SUMF1: variants seen among roughly 807,000 people sequenced by gnomAD.
The protein encoded by SUMF1 is formylglycine-generating enzyme.
Under a neutral mutation model 47.6 loss-of-function variants are expected in SUMF1, and 48 were observed. The observed-to-expected ratio is 1.01, with a 90% CI of 0.80 to 1.28. The LOEUF is 1.28. Among genes scored for constraint, SUMF1 ranks in the 50% most tolerant of loss-of-function variants. The pLI, the probability that SUMF1 is intolerant of heterozygous loss-of-function variation, is 0.00. For missense variants in SUMF1, 571 were observed against 485.4 expected, an observed-to-expected ratio of 1.18 and a Z score of -1.66; for synonymous variants, 230 against 192.1, an observed-to-expected ratio of 1.20 and a Z score of -1.63.
chr3:4,345,921 G>C (rs928345374), intron 8 of SUMF1, among the ~76,000 whole-genome samples: 3 of 151,960 alleles, frequency 2.0e-5, no homozygotes, highest in Admixed American at 2.0e-4. Flanking sequence ...AACCAACAAA[G>C]ACCAAAAAAG....
At chr3:4,243,163 A>C (rs1264000324) in intron 8 of SUMF1, among the ~76,000 whole-genome samples, 2 of 151,880 alleles carry the variant, frequency 1.3e-5, no homozygotes, top group African/African-American at 4.8e-5. Flanking sequence ...TTTGTTCTTT[A>C]TTAGTCTTGC....
intron 3 of SUMF1, among the ~76,000 whole-genome samples, chr3:4,430,829 G>A (rs1702210608): frequency 1.3e-5 from 2 of 152,152 alleles, no homozygotes; most frequent in Non-Finnish European, 1.5e-5. Context: ...CGGGAGGTAA[G>A]AAGGAGGAGC....
intron 8 of SUMF1, among the ~76,000 whole-genome samples, chr3:4,176,855 A>C (rs1283291205): frequency 2.6e-5 from 4 of 152,210 alleles, no homozygotes; most frequent in South Asian, 2.1e-4. Context: ...TTTACCGAAC[A>C]AATGGAAAGC....
At chr3:4,264,104 G>A (rs566481639) in intron 8 of SUMF1, among the ~76,000 whole-genome samples, 75 of 152,252 alleles carry the variant, frequency 4.9e-4, no homozygotes, top group African/African-American at 1.7e-3. Context: ...AAGAAAAGAA[G>A]GTCTAAGAAT....
chr3:4,250,286 A>T (rs2662134), intron 8 of SUMF1, among the ~76,000 whole-genome samples: 1 of 138,496 alleles, frequency 7.2e-6, no homozygotes, highest in African/African-American at 2.7e-5. Flanking sequence ...GGGGGAAGGA[A>T]GGGAAGAGGG....
Position 4,418,436 on chromosome 3 carries a change from A to G in SUMF1, c.603-304T>C, listed in dbSNP as rs115879185. ...CAGATGCGGAGATACTCCAGCTGCT[A>G]GGAGGGCCAGCAGGAGCTTTCAGCT... is the stretch of plus-strand genomic sequence containing the variant. On this transcript the variant is annotated intron_variant, in intron 4 of 8. Coordinates refer to ENST00000272902, the MANE Select transcript of SUMF1 (RefSeq NM_182760.4). Among the ~76,000 whole-genome samples, 2,848 of 152,336 alleles carry G rather than the reference A, an allele frequency of 0.019. 100 individuals are homozygous for G. Among genetic ancestry groups the G allele is most frequent in the African/African-American group, 0.065 (2,701 of 41,572 alleles).
At chr3:4,053,923 T>C (rs1404408569) in intron 9 of SUMF1, among the ~76,000 whole-genome samples, 1 of 152,102 alleles carries the variant, frequency 6.6e-6, no homozygotes, top group African/African-American at 2.4e-5. Flanking sequence ...AAAGTAAAGT[T>C]TTATCATAAT....
intron 8 of SUMF1, among the ~76,000 whole-genome samples, chr3:4,100,085 GAATTCATATTATTA>G (rs1692999127): frequency 3.3e-5 from 5 of 150,212 alleles, no homozygotes; most frequent in Admixed American, 3.3e-4. Context: ...TGGATTGGAA[GAATTCATATTATTA>G]AATTGTCTAT....
intron 1 of SUMF1, among the ~76,000 whole-genome samples, chr3:4,465,573 C>T (rs1575263398): frequency 6.6e-6 from 1 of 151,980 alleles, no homozygotes; most frequent in Middle Eastern, 3.4e-3. Context: ...CCAATACACA[C>T]TAAAACAGTA....
At chr3:4,136,814 T>C (rs890215367) in intron 8 of SUMF1, among the ~76,000 whole-genome samples, 25 of 151,620 alleles carry the variant, frequency 1.6e-4, no homozygotes, top group African/African-American at 5.3e-4. Context: ...GGGCAAAGGA[T>C]ATGAACAGAC....
chr3:4,406,178 T>C (rs888865987), intron 7 of SUMF1, among the ~76,000 whole-genome samples: 6 of 152,184 alleles, frequency 3.9e-5, no homozygotes, highest in African/African-American at 1.4e-4. Flanking sequence ...AACATTCCTC[T>C]GAAAGTGATA....
chr3:4,467,175 A>G lies in SUMF1; in HGVS notation c.71T>C (p.Leu24Pro). The G allele has an allele frequency of 1.9e-6, 3 of 1,608,986 alleles. No individual in the cohort carries two copies. The change falls in exon 1 of 9, where the codon CTG (leucine) becomes CCG (proline). Residue 24 changes from leucine to proline, a missense_variant. By Grantham distance (98) the Leu-to-Pro change is moderately conservative. Coordinates refer to ENST00000272902, the MANE Select transcript of SUMF1 (RefSeq NM_182760.4). The stretch of plus-strand genomic sequence containing the variant: ...TGCCGCTCCACACAGCAGCGAGAGC[A>G]GCAGCAGCAAGAGGACGAGACCCAG... ...PELGLVLLLL[L>P]LSLLCGAAGS...
intron 8 of SUMF1, among the ~76,000 whole-genome samples, chr3:4,103,737 A>T (rs1161744612): frequency 6.6e-6 from 1 of 152,102 alleles, no homozygotes; most frequent in Non-Finnish European, 1.5e-5. Context: ...ACATAATCAG[A>T]TCCTTAGACA....
chr3:4,231,310 C>T (rs563973547), intron 8 of SUMF1, among the ~76,000 whole-genome samples: 2 of 152,216 alleles, frequency 1.3e-5, no homozygotes, highest in African/African-American at 4.8e-5. Flanking sequence ...GAAATGAGAT[C>T]ATTGTACATA....
At chr3:4,420,799 T>A (rs748098393) in intron 3 of SUMF1, among the ~76,000 whole-genome samples, 1 of 152,172 alleles carries the variant, frequency 6.6e-6, no homozygotes, top group Non-Finnish European at 1.5e-5. Context: ...GAAACAGAGT[T>A]AACCCTACAA....
At chr3:4,051,234 C>T (rs895619179) in intron 9 of SUMF1, among the ~76,000 whole-genome samples, 3 of 152,178 alleles carry the variant, frequency 2.0e-5, no homozygotes, top group African/African-American at 2.4e-5. Context: ...ATCCAATAGG[C>T]TATACAAGTT....
intron 8 of SUMF1, among the ~76,000 whole-genome samples, chr3:4,239,610 A>C (rs768303564): frequency 6.6e-6 from 1 of 152,140 alleles, no homozygotes; most frequent in Non-Finnish European, 1.5e-5. Context: ...TGATTTCTGC[A>C]CATTGATTTT....
At chr3:4,363,235 T>TTTATTATCTAAATCATATTTATGATATC (rs1699829105) in intron 8 of SUMF1, among the ~76,000 whole-genome samples, 2 of 151,434 alleles carry the variant, frequency 1.3e-5, no homozygotes, top group African/African-American at 4.8e-5. Context: ...TTTATGATAT[T>TTTATTATCTAAATCATATTTATGATATC]ATTTATTATC....
chr3:4,338,707 A>G (rs1222549144), intron 8 of SUMF1, among the ~76,000 whole-genome samples: 1 of 152,128 alleles, frequency 6.6e-6, no homozygotes, highest in Non-Finnish European at 1.5e-5. Flanking sequence ...TACTAGGTCT[A>G]CCTAGTACCT....
Sources: allele counts gnomAD v4.1 joint callset (sites outside exome capture counted in the v4.1 genomes callset), GRCh38; gene constraint gnomAD v4.1.1; transcripts MANE v1.5; gene names NCBI Gene and HGNC (gene_info 2026-07-23, HGNC 2026-07-21).